Variants in SOCS2 observed in about 807,000 individuals in gnomAD.
SOCS2 encodes the protein CIS-2.
Under a neutral mutation model 18.6 loss-of-function variants are expected in SOCS2, and 10 were observed. The observed-to-expected ratio is 0.54, with a 90% CI of 0.33 to 0.91. SOCS2 has a LOEUF of 0.91. SOCS2 is among the 40% of genes least tolerant of loss of function. The pLI is 0.02. For missense variants in SOCS2, 231 were observed against 247.2 expected, an observed-to-expected ratio of 0.93 and a Z score of 0.44; for synonymous variants, 104 against 104.0, an observed-to-expected ratio of 1.00 and a Z score of 0.00.
chr12:93,615,826 C>T, the SOCS2 span, among the ~76,000 whole-genome samples: 28 of 152,332 alleles, frequency 1.8e-4, no homozygotes, highest in Admixed American at 3.3e-4. Context: ...AAACTCCTGC[C>T]TTCAAGTGAT....
At chr12:93,590,484 G>C in the SOCS2 span, among the ~76,000 whole-genome samples, 1 of 151,800 alleles carries the variant, frequency 6.6e-6, no homozygotes, top group East Asian at 1.9e-4. Flanking sequence ...GCAGAGTTTA[G>C]GAGAAACGAA....
downstream of SOCS2, among the ~76,000 whole-genome samples, chr12:93,587,800 G>T (rs1238691252): frequency 6.6e-6 from 1 of 152,184 alleles, no homozygotes; most frequent in East Asian, 1.9e-4. Context: ...CTACCACTGT[G>T]GGTGGAGCTT....
At chr12:93,599,456 C>T in the SOCS2 span, among the ~76,000 whole-genome samples, 1 of 152,154 alleles carries the variant, frequency 6.6e-6, no homozygotes, top group South Asian at 2.1e-4. Context: ...GCCACTGTGC[C>T]CAGGCTGTTT....
the SOCS2 span, among the ~76,000 whole-genome samples, chr12:93,625,100 G>A: frequency 5.9e-5 from 9 of 152,038 alleles, no homozygotes; most frequent in African/African-American, 1.7e-4. Flanking sequence ...TTTAGCATTC[G>A]CATTTGCTCT....
chr12:93,581,313 A>G (rs879658860), downstream of SOCS2, among the ~76,000 whole-genome samples: 1 of 152,232 alleles, frequency 6.6e-6, no homozygotes, highest in Admixed American at 6.5e-5. Context: ...TGTCCTCCTC[A>G]ATAATTGAGA....
Position 93,576,097 on chromosome 12 carries a change from T to C in SOCS2, c.*918T>C, listed in dbSNP as rs1954453332. On this transcript the variant is annotated 3_prime_UTR_variant, in exon 2 of 2. Coordinates refer to ENST00000551556, the MANE Select transcript of SOCS2 (RefSeq NM_001270471.2). ...TTCTACTGTGTAGAATACTTTGACT[T>C]AATTTTCTTCCAGATACAGGGGGAT... 6.6e-6 allele frequency: 1 copy of C among 152,668 alleles called. No individual in the cohort carries two copies. The highest frequency in any genetic ancestry group is 2.1e-4 in the South Asian group (1 of 4,832). The allele number at this position is 152,668 out of a possible 1,614,324, so 9.5% of individuals were successfully genotyped here.
chr12:93,606,426 T>C, the SOCS2 span, among the ~76,000 whole-genome samples: 1 of 152,148 alleles, frequency 6.6e-6, no homozygotes, highest in Non-Finnish European at 1.5e-5. Context: ...GGTCACACAG[T>C]TAATACTTTG....
At chr12:93,607,821 C>G in the SOCS2 span, among the ~76,000 whole-genome samples, 1 of 152,186 alleles carries the variant, frequency 6.6e-6, no homozygotes, top group East Asian at 1.9e-4. Flanking sequence ...GGGTCCTGGC[C>G]CCCTGGAATA....
At chr12:93,617,530 A>G in the SOCS2 span, among the ~76,000 whole-genome samples, 1 of 152,176 alleles carries the variant, frequency 6.6e-6, no homozygotes, top group East Asian at 1.9e-4. Flanking sequence ...AAATGCTGTT[A>G]TTGTAGGCAA....
the SOCS2 span, among the ~76,000 whole-genome samples, chr12:93,611,929 C>T: frequency 6.6e-6 from 1 of 151,998 alleles, no homozygotes; most frequent in East Asian, 1.9e-4. Context: ...CTTTACAACT[C>T]CTCCCTCTGC....
At chr12:93,617,909 T>C in the SOCS2 span, among the ~76,000 whole-genome samples, 5 of 152,168 alleles carry the variant, frequency 3.3e-5, no homozygotes, top group Admixed American at 1.3e-4. Flanking sequence ...TGTAATCCTT[T>C]GTCTACTGAT....
the SOCS2 span, among the ~76,000 whole-genome samples, chr12:93,592,410 C>T: frequency 5.3e-5 from 8 of 152,142 alleles, no homozygotes; most frequent in Non-Finnish European, 1.0e-4. Flanking sequence ...ACAGGTTGTT[C>T]CCAGTTTCGT....
At chr12:93,606,483 C>A in the SOCS2 span, among the ~76,000 whole-genome samples, 1 of 151,842 alleles carries the variant, frequency 6.6e-6, no homozygotes, top group African/African-American at 2.4e-5. Context: ...TTTGCTTTTG[C>A]ATCTAGTTTG....
At chr12:93,573,572 C>T (rs1375424655) in intron 1 of SOCS2, 1 of 208,512 alleles carries the variant, frequency 4.8e-6, no homozygotes, top group Non-Finnish European at 9.4e-6. Flanking sequence ...GTCGGCGCGC[C>T]CAGGGTACTG....
chr12:93,574,532 A>G, intron 1 of SOCS2, 190 bp from the exon 2 acceptor site: 1 of 450,216 alleles, frequency 2.2e-6, no homozygotes, highest in Non-Finnish European at 3.9e-6. Context: ...CATAAAATGG[A>G]CCCAAATTTT....
upstream of SOCS2, chr12:93,572,660 C>T (rs1482284322): frequency 2.8e-6 from 2 of 707,504 alleles, no homozygotes; most frequent in East Asian, 5.5e-5. This position sits in a 1 kb window ranked among gnomAD's most constrained non-coding sequence, Gnocchi z 5.0. Flanking sequence ...TTGGACTGAC[C>T]CAACCTCCCG....
upstream of SOCS2, chr12:93,570,096 T>A (rs984704230): frequency 6.6e-6 from 1 of 151,858 alleles, no homozygotes; most frequent in Admixed American, 6.5e-5. Context: ...CCGAGATCCT[T>A]CCGAATCCCA....
chr12:93,591,298 T>C, the SOCS2 span, among the ~76,000 whole-genome samples: 1 of 148,522 alleles, frequency 6.7e-6, no homozygotes, highest in Non-Finnish European at 1.5e-5. Flanking sequence ...CCCGAGATAC[T>C]GGAAGCGACT....
chr12:93,590,539 G>A, the SOCS2 span, among the ~76,000 whole-genome samples: 1 of 151,856 alleles, frequency 6.6e-6, no homozygotes, highest in Non-Finnish European at 1.5e-5. Flanking sequence ...GCTCAGGCCT[G>A]TAATCCCAGC....
Sources: gnomAD v4.1 joint callset for allele counts (sites outside exome capture counted in the v4.1 genomes callset) on GRCh38, gnomAD v4.1.1 for gene constraint, Gnocchi (gnomAD v3.1) non-coding constraint, MANE v1.5 for transcripts, NCBI Gene and HGNC (gene_info 2026-07-23, HGNC 2026-07-21) for gene names.